Variants in CHD6 observed in about 807,000 individuals in gnomAD.
The protein encoded by CHD6 is ATP-dependent chromatin remodeler CHD6.
Under a neutral mutation model 276.9 loss-of-function variants are expected in CHD6, and 50 were observed. The observed-to-expected ratio is 0.18, with a 90% confidence interval of 0.14 to 0.23. CHD6 has a LOEUF of 0.23. Ranked by LOEUF, CHD6 falls within the 10% of genes least tolerant of loss-of-function variation. The pLI, the probability that CHD6 is intolerant of heterozygous loss-of-function variation, is 1.00. For missense variants in CHD6, 2,564 were observed against 3,365.8 expected (o/e 0.76, Z 5.89); for synonymous variants, 1,173 against 1,229.3 (o/e 0.95, Z 0.96).
intron 1 of CHD6, among the ~76,000 whole-genome samples, chr20:41,600,438 G>C (rs1385614871): frequency 6.6e-6 from 1 of 152,140 alleles, no homozygotes; most frequent in Admixed American, 6.5e-5. Context: ...AGTGAGGGGG[G>C]GGTCTTATCC....
chr20:41,535,513 G>A (rs527327526), intron 2 of CHD6, among the ~76,000 whole-genome samples: 40 of 152,272 alleles, frequency 2.6e-4, no homozygotes, highest in African/African-American at 9.6e-4. Context: ...ACCTCCTGGG[G>A]AACTACAATG....
intron 1 of CHD6, among the ~76,000 whole-genome samples, chr20:41,589,528 T>C (rs909140580): frequency 3.3e-5 from 5 of 152,228 alleles, no homozygotes; most frequent in Non-Finnish European, 7.3e-5. Flanking sequence ...AGTCGCAGGA[T>C]AGAAAATCAA....
intron 19 of CHD6, 95 bp from the exon 20 acceptor site, chr20:41,454,831 C>A (rs1449129476): frequency 4.0e-6 from 3 of 742,360 alleles, no homozygotes; most frequent in Non-Finnish European, 6.6e-6. Flanking sequence ...AGTATATTAT[C>A]TATTTGCATT....
chr20:41,520,609 G>A (rs2044368195), intron 3 of CHD6, among the ~76,000 whole-genome samples: 3 of 139,248 alleles, frequency 2.2e-5, no homozygotes. Flanking sequence ...TCATAGGTGG[G>A]AACTGAACAA....
chr20:41,513,360 T>A (rs1601051761), intron 4 of CHD6, among the ~76,000 whole-genome samples: 1 of 152,320 alleles, frequency 6.6e-6, no homozygotes, highest in East Asian at 1.9e-4. Context: ...ATCTTTGGGG[T>A]CCCTTCCAGC....
chr20:41,497,615 T>C (rs1198507239), intron 7 of CHD6, 114 bp from the exon 8 acceptor site: 1 of 786,054 alleles, frequency 1.3e-6, no homozygotes, highest in African/African-American at 1.7e-5. Context: ...AATGGTTTAT[T>C]GTGAAACTGC....
rs1279720420 is a variant in CHD6, at chr20:41,403,225, C to G, written c.*1368G>C. On this transcript the variant is annotated 3_prime_UTR_variant, in exon 37 of 37. Transcript: ENST00000373233. ...CAAAAAGTGAAACTGGTACTAGTAACACTTGCAACATTTCCAAGGGTCCTG... is the reference window on the plus strand; with the variant it reads ...CAAAAAGTGAAACTGGTACTAGTAAGACTTGCAACATTTCCAAGGGTCCTG... 18 of 1,045,100 alleles carry G rather than the reference C, an allele frequency of 1.7e-5. No homozygotes were observed. Among genetic ancestry groups the G allele is most frequent in the Admixed American group, 5.4e-5 (1 of 18,542 alleles). The allele number at this position is 1,045,100 out of a possible 1,614,324, so 64.7% of individuals were successfully genotyped here.
At chr20:41,548,554 T>G (rs555877091) in intron 2 of CHD6, among the ~76,000 whole-genome samples, 7 of 152,180 alleles carry the variant, frequency 4.6e-5, no homozygotes, top group African/African-American at 1.7e-4. Flanking sequence ...GAAGAAAACC[T>G]AGGCAATACC....
chr20:41,489,933 G>A lies in CHD6; in HGVS notation c.1525C>T (p.His509Tyr). ...GGGGCGATAATGAGAAAAGGGCCGTGGATTCCTCTCAGAAATATTTCTGAA... is the reference window on the plus strand; with the variant it reads ...GGGGCGATAATGAGAAAAGGGCCGTAGATTCCTCTCAGAAATATTTCTGAA... ...FLSEIFLRGI[H>Y]GPFLIIAPLS... The change falls in exon 12 of 37, where the codon CAC (histidine) becomes TAC (tyrosine). Residue 509 changes from histidine to tyrosine, a missense_variant. This residue lies in a region of CHD6 where 457 missense variants were observed against 889.0 expected (regional missense o/e 0.51). Transcript: ENST00000373233. 1 of 1,613,962 alleles carries A rather than the reference G, an allele frequency of 6.2e-7. No homozygotes were observed. Among genetic ancestry groups the A allele is most frequent in the African/African-American group, 1.3e-5 (1 of 74,992 alleles).
chr20:41,458,204 C>T (rs1025995143), intron 17 of CHD6, among the ~76,000 whole-genome samples: 2 of 152,200 alleles, frequency 1.3e-5, no homozygotes, highest in East Asian at 3.8e-4. Flanking sequence ...TTGCCTAGAT[C>T]TGTTAATTCA....
chr20:41,550,120 C>A (rs895774269), intron 2 of CHD6, among the ~76,000 whole-genome samples: 2 of 152,178 alleles, frequency 1.3e-5, no homozygotes, highest in Non-Finnish European at 2.9e-5. Context: ...TTCTTTTTAA[C>A]AGCAGCATAA....
At chr20:41,442,681 G>C (rs1199183238) in intron 25 of CHD6, among the ~76,000 whole-genome samples, 3 of 152,190 alleles carry the variant, frequency 2.0e-5, no homozygotes, top group Admixed American at 2.0e-4. Flanking sequence ...CACCTGGTAA[G>C]ACATGTTGTG....
chr20:41,416,829 T>A (rs768057360), intron 32 of CHD6, 35 bp from the exon 33 acceptor site: 1 of 1,451,262 alleles, frequency 6.9e-7, no homozygotes, highest in Non-Finnish European at 9.1e-7. Context: ...TGAATAAGGA[T>A]CGAGTTACCT....
chr20:41,551,190 C>T, intron 2 of CHD6, 115 bp downstream of exon 2: 1 of 717,856 alleles, frequency 1.4e-6, no homozygotes, highest in Non-Finnish European at 2.5e-6. Flanking sequence ...ATAATACAGG[C>T]AACAGGGAAA....
Position 41,421,039 on chromosome 20 carries a change from C to T in CHD6, c.5596G>A (p.Glu1866Lys), listed in dbSNP as rs2047173480. 2 of 1,613,810 alleles carry T rather than the reference C, an allele frequency of 1.2e-6. No individual in the cohort carries two copies. The highest frequency in any genetic ancestry group is 1.7e-6 in the Non-Finnish European group (2 of 1,179,968). The change falls in exon 31 of 37, where the codon GAG becomes AAG. Residue 1866 changes from glutamate (E) to lysine (K), a missense_variant. Around this residue, in one of 7 missense-constraint regions of CHD6, gnomAD observed 1,024 missense variants for 1,047.9 expected, o/e 0.98. Transcript: ENST00000373233. ...TCGTTTTCCTCCTCTTCTTCCTCCT[C>T]ATCACTGTGGTTCTGACTCAAAATC... is the stretch of plus-strand genomic sequence containing the variant. ...KLILSQNHSD[E>K]EEEEEENEEE...
chr20:41,486,473 A>AAGTTTGAT lies in CHD6; in HGVS notation c.2001+1184_2001+1191dup, dbSNP rs371733299. On this transcript the variant is annotated intron_variant, in intron 14 of 36. Coordinates refer to ENST00000373233, the MANE Select transcript of CHD6 (RefSeq NM_032221.5). ...AATAGATAGGGCAAATGTAGGAATTAAGTTTGATTATTCACTGCTCTGATG... is the reference window on the plus strand; with the variant it reads ...AATAGATAGGGCAAATGTAGGAATTAAGTTTGATAGTTTGATTATTCACTGCTCTGATG... 7.4e-4 allele frequency among the ~76,000 whole-genome samples: 113 copies of AAGTTTGAT among 152,314 alleles called. 1 individual carries two copies. Among genetic ancestry groups the AAGTTTGAT allele is most frequent in the African/African-American group, 2.6e-3 (109 of 41,564 alleles).
chr20:41,518,629 T>A (rs2044310318), intron 3 of CHD6, among the ~76,000 whole-genome samples: 1 of 152,200 alleles, frequency 6.6e-6, no homozygotes, highest in Non-Finnish European at 1.5e-5. Context: ...AAGAAGAAGA[T>A]ACTCTACTTG....
intron 5 of CHD6, among the ~76,000 whole-genome samples, chr20:41,511,309 ACAGCCGTGTCC>A (rs2044112547): frequency 6.6e-6 from 1 of 152,200 alleles, no homozygotes; most frequent in Middle Eastern, 3.2e-3. Context: ...ATAACAACAG[ACAGCCGTGTCC>A]CAGAATGTGC....
intron 1 of CHD6, among the ~76,000 whole-genome samples, chr20:41,592,154 G>C (rs1275525882): frequency 6.6e-6 from 1 of 152,088 alleles, no homozygotes; most frequent in Admixed American, 6.6e-5. Context: ...AATGGTCACA[G>C]GTTCCCAATA....
Sources: allele counts gnomAD v4.1 joint callset (sites outside exome capture counted in the v4.1 genomes callset), GRCh38; gene constraint gnomAD v4.1.1; regional missense constraint gnomAD v4.1.1; transcripts MANE v1.5; gene names NCBI Gene and HGNC (gene_info 2026-07-23, HGNC 2026-07-21).